Variants in LDLRAD4 observed in about 807,000 individuals in gnomAD.
The protein encoded by LDLRAD4 is low-density lipoprotein receptor class A domain-containing protein 4.
Under a neutral mutation model 17.0 loss-of-function variants are expected in LDLRAD4, and 5 were observed. That is an observed-to-expected ratio of 0.29 (90% CI 0.15 to 0.62). The LOEUF is 0.62. LDLRAD4 is among the 20% of genes least tolerant of loss of function. LDLRAD4 has a pLI of 0.84. For missense variants in LDLRAD4, 340 were observed against 424.7 expected (o/e 0.80, Z 1.75); for synonymous variants, 168 against 171.8 (o/e 0.98, Z 0.17).
intron 4 of LDLRAD4, among the ~76,000 whole-genome samples, chr18:13,627,594 G>A (rs1470741855): frequency 2.0e-5 from 3 of 152,258 alleles, no homozygotes; most frequent in African/African-American, 7.2e-5. Flanking sequence ...GAAGGTCCTT[G>A]TGGAAGTAAA....
At chr18:13,321,904 A>G (rs1490853478) in intron 1 of LDLRAD4, among the ~76,000 whole-genome samples, 3 of 117,560 alleles carry the variant, frequency 2.6e-5, no homozygotes, top group African/African-American at 1.1e-4. Context: ...AAAAAAAAAG[A>G]AAAGAAAAAG....
intron 1 of LDLRAD4, among the ~76,000 whole-genome samples, chr18:13,334,913 C>T (rs1192857394): frequency 6.6e-6 from 1 of 152,114 alleles, no homozygotes; most frequent in African/African-American, 2.4e-5. Context: ...TATGTCATAG[C>T]TTTATCTGAA....
At chr18:13,370,181 C>CCAG (rs1201508805) in intron 1 of LDLRAD4, among the ~76,000 whole-genome samples, 1 of 152,202 alleles carries the variant, frequency 6.6e-6, no homozygotes, top group Admixed American at 6.5e-5. Context: ...AATACATGCG[C>CCAG]CAGCACACAT....
intron 3 of LDLRAD4, among the ~76,000 whole-genome samples, chr18:13,525,221 G>A (rs1037958199): frequency 6.6e-6 from 1 of 152,194 alleles, no homozygotes; most frequent in South Asian, 2.1e-4. Context: ...TTCAGCAAAT[G>A]ACTTAATGTC....
chr18:13,382,000 T>C (rs1265482631), intron 1 of LDLRAD4, among the ~76,000 whole-genome samples: 1 of 152,200 alleles, frequency 6.6e-6, no homozygotes, highest in Non-Finnish European at 1.5e-5. Context: ...GGGATCGGCA[T>C]CCACAGGCCG....
chr18:13,237,998 G>A (rs7244519), intron 1 of LDLRAD4, among the ~76,000 whole-genome samples: 70,918 of 152,042 alleles, frequency 0.47, 17,160 homozygotes, highest in African/African-American at 0.6. Context: ...GCCTCCTTGC[G>A]AAGTCACGGT....
chr18:13,463,882 A>G (rs552754870), intron 3 of LDLRAD4, among the ~76,000 whole-genome samples: 1 of 152,368 alleles, frequency 6.6e-6, no homozygotes, highest in East Asian at 1.9e-4. Context: ...TAATTTCTGC[A>G]TTAATGGATA....
intron 1 of LDLRAD4, among the ~76,000 whole-genome samples, chr18:13,243,959 CCATT>C (rs2042820626): frequency 8.0e-6 from 1 of 125,370 alleles, no homozygotes; most frequent in Non-Finnish European, 1.7e-5. Context: ...ACCCATCCAT[CCATT>C]CATCCATCCA....
intron 2 of LDLRAD4, among the ~76,000 whole-genome samples, chr18:13,424,993 T>C (rs920939440): frequency 6.6e-6 from 1 of 152,150 alleles, no homozygotes; most frequent in South Asian, 2.1e-4. Flanking sequence ...GAGATAACAG[T>C]TTGCTTAATA....
chr18:13,526,641 A>G (rs1387689360), intron 3 of LDLRAD4: 1 of 152,208 alleles, frequency 6.6e-6, no homozygotes, highest in Admixed American at 6.5e-5. Flanking sequence ...GTCAGAGCAA[A>G]AATAAAATGT....
chr18:13,293,186 C>T (rs2046067857), intron 1 of LDLRAD4, among the ~76,000 whole-genome samples: 1 of 152,146 alleles, frequency 6.6e-6, no homozygotes, highest in Admixed American at 6.5e-5. Context: ...TTTCCTATGG[C>T]CTGTGGTCAA....
At chr18:13,418,756 C>G (rs1017977923) in intron 2 of LDLRAD4, among the ~76,000 whole-genome samples, 2 of 152,186 alleles carry the variant, frequency 1.3e-5, no homozygotes, top group Non-Finnish European at 2.9e-5. Context: ...ATTCAGTCTA[C>G]ATTCATTCCA....
At chr18:13,608,906 A>G (rs994789224) in intron 3 of LDLRAD4, among the ~76,000 whole-genome samples, 8 of 152,230 alleles carry the variant, frequency 5.3e-5, no homozygotes, top group Admixed American at 2.6e-4. Flanking sequence ...TTAGAATCTC[A>G]AGTCCTTGTT....
intron 1 of LDLRAD4, among the ~76,000 whole-genome samples, chr18:13,303,777 T>C (rs1318766601): frequency 1.3e-5 from 2 of 152,172 alleles, no homozygotes; most frequent in Admixed American, 6.5e-5. Flanking sequence ...CTCTTAGGAA[T>C]GGGAAGCCCA....
At chr18:13,303,465 C>T (rs1224990849) in intron 1 of LDLRAD4, among the ~76,000 whole-genome samples, 2 of 151,934 alleles carry the variant, frequency 1.3e-5, no homozygotes, top group Non-Finnish European at 2.9e-5. Flanking sequence ...TCCCCGTTTC[C>T]TTCCCTGCCC....
At chr18:13,527,813 C>T (rs1337547158) in intron 3 of LDLRAD4, among the ~76,000 whole-genome samples, 1 of 152,204 alleles carries the variant, frequency 6.6e-6, no homozygotes, top group Non-Finnish European at 1.5e-5. Flanking sequence ...CAGGAGGCCA[C>T]CATGGCCTTC....
chr18:13,443,961 G>C (rs2091216362), intron 3 of LDLRAD4, among the ~76,000 whole-genome samples: 1 of 152,202 alleles, frequency 6.6e-6, no homozygotes, highest in Non-Finnish European at 1.5e-5. Context: ...CATTGTGTCT[G>C]CTGGTTTCTT....
At chr18:13,433,545 A>G (rs1266435529) in intron 2 of LDLRAD4, among the ~76,000 whole-genome samples, 1 of 152,048 alleles carries the variant, frequency 6.6e-6, no homozygotes, top group Non-Finnish European at 1.5e-5. Flanking sequence ...GTTAACTAGT[A>G]GAATGTTGAC....
chr18:13,278,398 T>C (rs1243077561), intron 1 of LDLRAD4: 1 of 152,222 alleles, frequency 6.6e-6, no homozygotes, highest in East Asian at 1.9e-4. Flanking sequence ...GACACCTGTG[T>C]GTTTTCAGAG....
Sources: gnomAD v4.1 joint callset for allele counts (sites outside exome capture counted in the v4.1 genomes callset) on GRCh38, gnomAD v4.1.1 for gene constraint, MANE v1.5 for transcripts, NCBI Gene and HGNC (gene_info 2026-07-23, HGNC 2026-07-21) for gene names.